Variants in ASPH observed in about 807,000 individuals in gnomAD.
ASPH encodes aspartyl/asparaginyl beta-hydroxylase.
In ASPH, 100 loss-of-function variants were observed where a neutral mutation model predicts 118.4. That is an observed-to-expected ratio of 0.84 (90% CI 0.72 to 1.00). The LOEUF is 1.00. Among genes scored for constraint, ASPH ranks in the 50% least tolerant of loss-of-function variants. The pLI is 0.00. For synonymous variants in ASPH, 315 were observed against 325.6 expected (o/e 0.97, Z 0.35); for missense variants, 920 against 919.5 (o/e 1.00, Z -0.01).
chr8:61,683,821 A>T (rs1233513743), intron 2 of ASPH: 1 of 455,384 alleles, frequency 2.2e-6, no homozygotes, highest in Non-Finnish European at 3.9e-6. Flanking sequence ...TACAATATAA[A>T]GCCTTTTTTC....
At chr8:61,586,670 G>A (rs1042308347) in intron 14 of ASPH, among the ~76,000 whole-genome samples, 5 of 152,110 alleles carry the variant, frequency 3.3e-5, no homozygotes, top group African/African-American at 9.7e-5. Flanking sequence ...GGTTCCAAAA[G>A]GGTTAGTTAC....
chr8:61,646,848 C>T lies in ASPH; in HGVS notation c.521G>A (p.Gly174Glu). ...VEGEDLQQED[G>E]PTGEPQQEDD... ...CTCTTGTTGTGGTTCTCCTGTGGGT[C>T]CATCTTCTTGTTGCAAGTCTTCTCC... The change falls in exon 6 of 25, where the codon GGA (glycine) becomes GAA (glutamate). Residue 174 changes from glycine to glutamate, a missense_variant. Gly to Glu is a moderately conservative substitution (Grantham distance 98). Coordinates refer to ENST00000379454, the MANE Select transcript of ASPH (RefSeq NM_004318.4). 6.2e-7 allele frequency: 1 copy of T among 1,613,842 alleles called. No homozygotes were observed. Among genetic ancestry groups the T allele is most frequent in the Non-Finnish European group, 8.5e-7 (1 of 1,179,868 alleles).
At chr8:61,505,114 T>G (rs909102567) in intron 24 of ASPH, among the ~76,000 whole-genome samples, 9 of 152,212 alleles carry the variant, frequency 5.9e-5, no homozygotes, top group African/African-American at 1.9e-4. Flanking sequence ...GTCCTCATCA[T>G]AGTGAATAAG....
chr8:61,558,152 G>A (rs1010618194), intron 18 of ASPH, among the ~76,000 whole-genome samples: 13 of 152,208 alleles, frequency 8.5e-5, no homozygotes, highest in African/African-American at 3.1e-4. Context: ...GACAATGCAA[G>A]ATGGTAAATG....
chr8:61,517,584 G>A lies in ASPH; in HGVS notation c.2070C>T (p.His690=). The part of the protein sequence containing the change: ...TGPTNCRLRM[H]LGLVIPKEGC... ...CTTCCTTGGGAATCACCAAGCCCAG[G>A]TGCATTCGGAGCCTGCAGTTTGTGG... The change falls in exon 24 of 25, where the codon CAC becomes CAT. Residue 690 remains histidine, a synonymous_variant. Transcript: ENST00000379454. The A allele has an allele frequency of 6.2e-7, 1 of 1,614,144 alleles. No homozygotes were observed. The highest frequency in any genetic ancestry group is 1.6e-4 in the Middle Eastern group (1 of 6,062).
chr8:61,676,062 C>T (rs753449450), intron 3 of ASPH: 2 of 1,598,876 alleles, frequency 1.3e-6, no homozygotes, highest in Non-Finnish European at 1.7e-6. Context: ...TGACTTCAGT[C>T]CCTGAATCAA....
rs117515717 is a variant in ASPH at position 61,707,646 on chromosome 8, A to G, written c.103+6623T>C. On this transcript the variant is annotated intron_variant, in intron 1 of 24. Coordinates refer to ENST00000379454, the MANE Select transcript of ASPH (RefSeq NM_004318.4). ...TGCATGGGGAGAGATAGGCACATAC[A>G]TGTACAGGGCAGCATTATTTGAAAG... Among the ~76,000 whole-genome samples, 1,009 of 152,330 alleles carry G rather than the reference A, an allele frequency of 6.6e-3. 4 individuals are homozygous for G. Among genetic ancestry groups the G allele is most frequent in the Middle Eastern group, 0.014 (4 of 294 alleles).
chr8:61,712,373 T>A (rs181692706), intron 1 of ASPH, among the ~76,000 whole-genome samples: 1 of 152,272 alleles, frequency 6.6e-6, no homozygotes, highest in East Asian at 1.9e-4. Flanking sequence ...CCCAGTGCCT[T>A]CTATCTGGCA....
intron 3 of ASPH, chr8:61,675,186 A>G: frequency 1.8e-6 from 1 of 541,834 alleles, no homozygotes; most frequent in Non-Finnish European, 2.4e-6. Context: ...TAATTCTAAA[A>G]ATCACATTAC....
chr8:61,536,487 G>C (rs935420730), intron 21 of ASPH, among the ~76,000 whole-genome samples: 2 of 152,224 alleles, frequency 1.3e-5, no homozygotes, highest in African/African-American at 4.8e-5. Context: ...GAGTAGGAAA[G>C]CTTTATAATA....
intron 16 of ASPH, among the ~76,000 whole-genome samples, chr8:61,569,990 A>T (rs1832968887): frequency 6.6e-6 from 1 of 152,032 alleles, no homozygotes; most frequent in Non-Finnish European, 1.5e-5. Flanking sequence ...ATAACTTTGC[A>T]AAACACAGAG....
At chr8:61,633,543 CAG>C (rs1856504397) in intron 13 of ASPH, 138 bp downstream of exon 13, 1 of 693,626 alleles carries the variant, frequency 1.4e-6, no homozygotes, top group Non-Finnish European at 2.3e-6. Flanking sequence ...CTGATCAAAA[CAG>C]AAAAATTCTA....
intron 13 of ASPH, among the ~76,000 whole-genome samples, chr8:61,619,860 C>T (rs537647289): frequency 6.6e-5 from 10 of 152,210 alleles, no homozygotes; most frequent in East Asian, 1.9e-4. Context: ...TCTAGGAATA[C>T]GGTCGTATGC....
intron 5 of ASPH, 41 bp downstream of exon 5, chr8:61,651,009 A>G (rs1810676608): frequency 1.3e-6 from 2 of 1,550,924 alleles, no homozygotes; most frequent in African/African-American, 1.4e-5. Flanking sequence ...ACTAAGCGTT[A>G]TTTTAGTAAC....
rs765610535 is a variant in ASPH, at chr8:61,503,452, C to CCAT, written c.2181_2183dup (p.Val727_Trp728insTer). 2.4e-5 allele frequency: 38 copies of CCAT among 1,613,070 alleles called. No homozygotes were observed. In the South Asian group the frequency reaches 3.9e-4, roughly 16 times the overall value. ...TCAGCCGGAAAGATGAGGCATCCTG[C>CCAT]CATACCTCGTGCTCAAAGGAGTCAT... is the stretch of plus-strand genomic sequence containing the variant. On this transcript the variant is annotated stop_gained, in exon 25 of 25. Coordinates refer to ENST00000379454, the MANE Select transcript of ASPH (RefSeq NM_004318.4). LOFTEE classifies it high-confidence loss of function.
intron 19 of ASPH, among the ~76,000 whole-genome samples, chr8:61,554,686 T>G (rs1827213153): frequency 6.6e-6 from 1 of 152,214 alleles, no homozygotes; most frequent in South Asian, 2.1e-4. Flanking sequence ...AAAATTCTTT[T>G]TTTTTAGAGA....
In ASPH at chr8:61,625,293, G is replaced by A. The variant is rs984010768; in HGVS notation, c.935-6274C>T. 15 of 985,634 alleles carry A rather than the reference G, an allele frequency of 1.5e-5. No homozygotes were observed. The Admixed American group carries it at 1.8e-4, about 12-fold the overall frequency. 61.1% of individuals were successfully genotyped at this position (985,634 alleles called of 1,614,324 possible). On this transcript the variant is annotated intron_variant, in intron 13 of 24. Coordinates refer to ENST00000379454, the MANE Select transcript of ASPH (RefSeq NM_004318.4). ...TTGCCGTGAAATAGCAGCAGGCATCGGGCTCTGTGAGCTTTTCACACATCC... is the reference window on the plus strand; with the variant it reads ...TTGCCGTGAAATAGCAGCAGGCATCAGGCTCTGTGAGCTTTTCACACATCC...
At chr8:61,553,539 G>C (rs1344736601) in intron 19 of ASPH, among the ~76,000 whole-genome samples, 2 of 151,912 alleles carry the variant, frequency 1.3e-5, no homozygotes, top group Non-Finnish European at 2.9e-5. Flanking sequence ...TGAAGTGATG[G>C]CAGTCCAACT....
chr8:61,504,921 C>G (rs1305800593), intron 24 of ASPH, among the ~76,000 whole-genome samples: 1 of 152,116 alleles, frequency 6.6e-6, no homozygotes, highest in African/African-American at 2.4e-5. Context: ...GGGAACTGAA[C>G]CTCTACTTCT....
Sources: gnomAD v4.1 joint callset for allele counts (sites outside exome capture counted in the v4.1 genomes callset) on GRCh38, gnomAD v4.1.1 for gene constraint, MANE v1.5 for transcripts, NCBI Gene and HGNC (gene_info 2026-07-23, HGNC 2026-07-21) for gene names.